CIDEA: variants seen among roughly 807,000 people sequenced by gnomAD.
CIDEA encodes cell death inducing DFFA like effector a.
CIDEA carries 10 observed loss-of-function variants against 18.2 expected under a neutral mutation model. The observed-to-expected ratio is 0.55, with a 90% CI of 0.34 to 0.93. CIDEA has a LOEUF of 0.93. CIDEA is among the 40% of genes least tolerant of loss of function. The probability of loss-of-function intolerance (pLI) is 0.02; values close to 1 mark genes in which losing one functional copy is unlikely to be tolerated. For synonymous variants in CIDEA, 128 were observed against 124.8 expected (o/e 1.03, Z -0.17); for missense variants, 309 against 293.1 (o/e 1.05, Z -0.40).
At chr18:12,267,604 G>T (rs945272623) in intron 3 of CIDEA, among the ~76,000 whole-genome samples, 24 of 151,648 alleles carry the variant, frequency 1.6e-4, no homozygotes, top group Admixed American at 1.6e-3. Context: ...AGTGTTTCTT[G>T]TGCCTCAGCC....
At chr18:12,254,617 C>T (rs1911965587) in intron 1 of CIDEA, 196 bp downstream of exon 1, 2 of 1,527,006 alleles carry the variant, frequency 1.3e-6, no homozygotes, top group African/African-American at 1.4e-5. Context: ...GCCGCGCCCG[C>T]GGGCAGAGCC....
chr18:12,259,413 A>C (rs894049504), intron 1 of CIDEA, among the ~76,000 whole-genome samples: 5 of 152,338 alleles, frequency 3.3e-5, no homozygotes, highest in Admixed American at 3.3e-4. Context: ...CAACCAAAAA[A>C]AGTCTTGGCT....
rs145715239 is a variant in CIDEA at position 12,254,841 on chromosome 18, G to A, written c.38+420G>A. ...GATGCGAGGGGACCGGGCTTCTGGG[G>A]GTCCTGGAAATCACAACGGGAGCTG... On this transcript the variant is annotated intron_variant, in intron 1 of 4. Transcript: ENST00000320477. The A allele has an allele frequency of 3.0e-6, 4 of 1,336,266 alleles. No individual in the cohort carries two copies. In the Admixed American group the frequency reaches 8.5e-5, roughly 28 times the overall value. The allele number at this position is 1,336,266 out of a possible 1,614,324, so 82.8% of individuals were successfully genotyped here.
Position 12,264,332 on chromosome 18 carries a change from C to G in CIDEA, c.209C>G (p.Thr70Ser). 1 of 1,613,450 alleles carries G rather than the reference C, an allele frequency of 6.2e-7. No homozygotes were observed. The highest frequency in any genetic ancestry group is 8.5e-7 in the Non-Finnish European group (1 of 1,179,702). ...SKTLDALVIA[T>S]GLVTLVLEED... Reference sequence around the variant, plus strand: ...ACTCTGGATGCCCTCGTCATCGCTACCGGACTGGTCACTCTGGTGCTGGAG... The same window carrying G: ...ACTCTGGATGCCCTCGTCATCGCTAGCGGACTGGTCACTCTGGTGCTGGAG... Residue 70 changes from threonine to serine, a missense_variant, in exon 3 of 5, where the codon ACC becomes AGC. By Grantham distance (58) the Thr-to-Ser change is moderately conservative (BLOSUM62 1). Coordinates refer to ENST00000320477, the MANE Select transcript of CIDEA (RefSeq NM_001279.4).
At chr18:12,274,564 A>AT (rs2144088972) in intron 4 of CIDEA, among the ~76,000 whole-genome samples, 1 of 152,358 alleles carries the variant, frequency 6.6e-6, no homozygotes, top group East Asian at 1.9e-4. Flanking sequence ...GAACTAGAGC[A>AT]CTTAATTCTA....
chr18:12,271,112 T>A (rs1912515792), intron 3 of CIDEA, among the ~76,000 whole-genome samples: 1 of 152,114 alleles, frequency 6.6e-6, no homozygotes, highest in Non-Finnish European at 1.5e-5. Flanking sequence ...TTGGCCAGGC[T>A]GGTCTCAAAC....
intron 3 of CIDEA, among the ~76,000 whole-genome samples, chr18:12,266,526 T>C (rs192629131): frequency 1.7e-4 from 26 of 152,248 alleles, no homozygotes; most frequent in Admixed American, 1.4e-3. Flanking sequence ...AATAATCAAA[T>C]AGAATTTTTG....
chr18:12,272,171 G>GGTT (rs1162594728), intron 3 of CIDEA, among the ~76,000 whole-genome samples: 2 of 20,004 alleles, frequency 1.0e-4, no homozygotes, highest in Admixed American at 8.1e-4. Flanking sequence ...GTTGGGGGGG[G>GGTT]GTTGTTGTTG....
intron 1 of CIDEA, among the ~76,000 whole-genome samples, chr18:12,262,190 T>G (rs1394954480): frequency 6.6e-6 from 1 of 151,890 alleles, no homozygotes; most frequent in African/African-American, 2.4e-5. Flanking sequence ...AAAAAGTAAA[T>G]TTTTGAATTA....
chr18:12,277,461 G>C lies in CIDEA; in HGVS notation c.*191G>C. 2 of 625,590 alleles carry C rather than the reference G, an allele frequency of 3.2e-6. No individual in the cohort carries two copies. Among genetic ancestry groups the C allele is most frequent in the Non-Finnish European group, 5.4e-6 (2 of 372,460 alleles). 38.8% of individuals were successfully genotyped at this position (625,590 alleles called of 1,614,324 possible). On this transcript the variant is annotated 3_prime_UTR_variant, in exon 5 of 5. Coordinates refer to ENST00000320477, the MANE Select transcript of CIDEA (RefSeq NM_001279.4). ...GTGGGGGCAGTGGGCAGGGTGCCCT[G>C]GGGGGGAGGCATAGAGGGCCCTGGG...
intron 3 of CIDEA, among the ~76,000 whole-genome samples, chr18:12,270,894 C>CTTTTTTTTTTTTTTTTTTTTTG (rs1912501627): frequency 1.7e-5 from 1 of 60,000 alleles, no homozygotes; most frequent in African/African-American, 6.8e-5. Context: ...TTTTTCTTTT[C>CTTTTTTTTTTTTTTTTTTTTTG]TTTTTTTTTT....
chr18:12,254,839 G>A (rs1732053389), intron 1 of CIDEA: 2 of 1,336,578 alleles, frequency 1.5e-6, no homozygotes, highest in Non-Finnish European at 2.0e-6. Flanking sequence ...CGGGCTTCTG[G>A]GGGTCCTGGA....
chr18:12,254,816 G>A (rs1387398997), intron 1 of CIDEA: 1 of 1,344,574 alleles, frequency 7.4e-7, no homozygotes, highest in Non-Finnish European at 9.9e-7. Context: ...AAGCTTCCGC[G>A]ATGCGAGGGG....
chr18:12,262,361 A>G (rs1447021181), intron 1 of CIDEA, among the ~76,000 whole-genome samples: 1 of 152,086 alleles, frequency 6.6e-6, no homozygotes, highest in Non-Finnish European at 1.5e-5. Flanking sequence ...ATAGTGACCA[A>G]TATTGCACTT....
rs2144066461 is a variant in CIDEA at position 12,262,773 on chromosome 18, T to A, written c.39-52T>A. The A allele has an allele frequency of 3.9e-6, 6 of 1,543,118 alleles. No individual in the cohort carries two copies. The East Asian group carries it at 1.4e-4, about 35-fold the overall frequency. On this transcript the variant is annotated intron_variant, in intron 1 of 4. Coordinates refer to ENST00000320477, the MANE Select transcript of CIDEA (RefSeq NM_001279.4). Reference sequence around the variant, plus strand: ...GCATTATTTTTATGTACTTTCACACTTCTTCTGACAGACTCTTTTTAAAAA... The same window carrying A: ...GCATTATTTTTATGTACTTTCACACATCTTCTGACAGACTCTTTTTAAAAA...
chr18:12,263,594 G>C (rs1029150814), intron 2 of CIDEA: 3 of 152,242 alleles, frequency 2.0e-5, no homozygotes, highest in Non-Finnish European at 2.9e-5. Flanking sequence ...TTGTTTCTTT[G>C]ACAAGGGAGG....
rs779255122 is a variant in CIDEA, at chr18:12,262,830, T to C, written c.44T>C (p.Leu15Pro). 6.2e-7 allele frequency: 1 copy of C among 1,611,882 alleles called. No individual in the cohort carries two copies. Among genetic ancestry groups the C allele is most frequent in the Non-Finnish European group, 8.5e-7 (1 of 1,178,310 alleles). ...CTTTTCACCTCCATTTTCAGGCCCC[T>C]GACATTTATGGGATCACAGACTAAG... ...RDYAGALIRPLTFMGSQTKRV... is the reference protein window; with the variant it reads ...RDYAGALIRPPTFMGSQTKRV... The change falls in exon 2 of 5, where the codon CTG becomes CCG. Residue 15 changes from leucine to proline, a missense_variant. Leu to Pro is a moderately conservative substitution (Grantham distance 98). Coordinates refer to ENST00000320477, the MANE Select transcript of CIDEA (RefSeq NM_001279.4).
Position 12,277,115 on chromosome 18 carries a change from T to G in CIDEA, c.513-8T>G, listed in dbSNP as rs1232745896. 3 of 1,613,770 alleles carry G rather than the reference T, an allele frequency of 1.9e-6. No individual in the cohort carries two copies. Among genetic ancestry groups the G allele is most frequent in the Non-Finnish European group, 2.5e-6 (3 of 1,179,742 alleles). On this transcript the variant is annotated splice_region_variant and splice_polypyrimidine_tract_variant and intron_variant, in intron 4 of 4. Coordinates refer to ENST00000320477, the MANE Select transcript of CIDEA (RefSeq NM_001279.4). The stretch of plus-strand genomic sequence containing the variant: ...AAGCTAAAGCCTCCCCATCTGCCTC[T>G]GCCACAGGAGTCTGCTGCGGTTCCT...
In CIDEA at chr18:12,275,592, G is replaced by T. The variant is rs770714096; in HGVS notation, c.512+1318G>T. Among the ~76,000 whole-genome samples the T allele has an allele frequency of 8.5e-5, 13 of 152,300 alleles. 1 individual carries two copies. The Middle Eastern group carries it at 0.01, about 120-fold the overall frequency. ...CCTGCACGTCCCTGTGGGCAGGGCC[G>T]CCCGTTTCTCTTTGAGGGTGTTGTT... On this transcript the variant is annotated intron_variant, in intron 4 of 4. Transcript: ENST00000320477.
Sources: allele counts gnomAD v4.1 joint callset (sites outside exome capture counted in the v4.1 genomes callset), GRCh38; gene constraint gnomAD v4.1.1; transcripts MANE v1.5; gene names NCBI Gene and HGNC (gene_info 2026-07-23, HGNC 2026-07-21).